The following SLC35F1 variants were observed in gnomAD, a reference collection of about 807,000 sequenced individuals.
SLC35F1 encodes the protein chromosome 6 open reading frame 169.
SLC35F1 carries 14 observed loss-of-function variants against 48.7 expected under a neutral mutation model. The observed-to-expected ratio is 0.29, with a 90% confidence interval of 0.19 to 0.45. The LOEUF is 0.45. Ranked by LOEUF, SLC35F1 falls within the 20% of genes least tolerant of loss-of-function variation. The pLI, the probability that SLC35F1 is intolerant of heterozygous loss-of-function variation, is 1.00. For synonymous variants in SLC35F1, 190 were observed against 202.2 expected, an observed-to-expected ratio of 0.94 and a Z score of 0.51; for missense variants, 404 against 500.0, an observed-to-expected ratio of 0.81 and a Z score of 1.83.
At chr6:118,030,143 C>A (rs775631060) in intron 1 of SLC35F1, among the ~76,000 whole-genome samples, 5 of 152,174 alleles carry the variant, frequency 3.3e-5, no homozygotes, top group Non-Finnish European at 7.3e-5. Flanking sequence ...CTGGGGGAAT[C>A]ACATTCCATG....
At chr6:118,215,877 T>C (rs993897921) in intron 2 of SLC35F1, among the ~76,000 whole-genome samples, 1 of 152,170 alleles carries the variant, frequency 6.6e-6, no homozygotes, top group African/African-American at 2.4e-5. Flanking sequence ...AAACAAGGGC[T>C]CAGTCCATCA....
intron 1 of SLC35F1, among the ~76,000 whole-genome samples, chr6:117,943,660 G>A (rs1020397096): frequency 1.3e-5 from 2 of 152,134 alleles, no homozygotes; most frequent in Non-Finnish European, 2.9e-5. Flanking sequence ...TTATGAAGGA[G>A]GTCTTTTCAT....
intron 1 of SLC35F1, among the ~76,000 whole-genome samples, chr6:118,102,600 C>G (rs143042877): frequency 5.1e-4 from 78 of 152,318 alleles, no homozygotes; most frequent in African/African-American, 1.7e-3. Context: ...GTGACAGTTT[C>G]ACGTTGTGGC....
At position 117,916,331 on chromosome 6, in the gene SLC35F1, C is replaced by T. The variant is rs147532797; in HGVS notation, c.173+8432C>T. On this transcript the variant is annotated intron_variant, in intron 1 of 7. Transcript: ENST00000360388. ...TTGTATTTCACAAAAGTATTGTCTT[C>T]TATGAATTGTTAAAAAACGGGTATT... is the stretch of plus-strand genomic sequence containing the variant. Among the ~76,000 whole-genome samples the T allele has an allele frequency of 2.9e-3, 444 of 152,154 alleles. 2 individuals carry two copies. Among genetic ancestry groups the T allele is most frequent in the African/African-American group, 0.01 (426 of 41,494 alleles).
chr6:117,933,509 G>A (rs1387556622), intron 1 of SLC35F1, among the ~76,000 whole-genome samples: 1 of 152,168 alleles, frequency 6.6e-6, no homozygotes, highest in African/African-American at 2.4e-5. Flanking sequence ...AAAGAATAGT[G>A]GAGAATATAA....
rs1296257630 is a variant in SLC35F1, at chr6:118,314,206, G to C, written c.1181G>C (p.Ser394Thr). The change falls in exon 8 of 8, where the codon AGC becomes ACC. Residue 394 changes from serine (S) to threonine (T), a missense_variant. Ser to Thr is a moderately conservative substitution (Grantham distance 58). Around this residue, in one of 2 missense-constraint regions of SLC35F1, gnomAD observed 306 missense variants for 419.1 expected, o/e 0.73. Coordinates refer to ENST00000360388, the MANE Select transcript of SLC35F1 (RefSeq NM_001029858.4). ...GTGGAACCCTCAGTCACCTACACCA[G>C]CCTGGGCCAGGAGACCGAAGAGGAG... Reference protein sequence around the residue: ...AQVEPSVTYTSLGQETEEEPH... With the variant: ...AQVEPSVTYTTLGQETEEEPH... The C allele has an allele frequency of 1.2e-6, 2 of 1,614,184 alleles. No homozygotes were observed. Among genetic ancestry groups the C allele is most frequent in the African/African-American group, 1.3e-5 (1 of 75,048 alleles).
rs187992795 is a variant in SLC35F1 at position 118,084,691 on chromosome 6, A to G, written c.174-69754A>G. 7.2e-5 allele frequency among the ~76,000 whole-genome samples: 11 copies of G among 152,144 alleles called. No individual in the cohort carries two copies. In the East Asian group the frequency reaches 2.1e-3, roughly 30 times the overall value. ...TAATTCTGGCTCAAGCAATGAGGGT[A>G]TGCTGAATGTAGAAGTCATTGAAAG... On this transcript the variant is annotated intron_variant, in intron 1 of 7. Coordinates refer to ENST00000360388, the MANE Select transcript of SLC35F1 (RefSeq NM_001029858.4).
intron 1 of SLC35F1, among the ~76,000 whole-genome samples, chr6:117,919,244 G>A (rs1042137832): frequency 1.3e-5 from 2 of 152,128 alleles, no homozygotes; most frequent in African/African-American, 4.8e-5. Context: ...CTGGTCCACT[G>A]GAGTGATGGT....
At chr6:118,237,667 G>A (rs1775382885) in intron 3 of SLC35F1, among the ~76,000 whole-genome samples, 1 of 152,174 alleles carries the variant, frequency 6.6e-6, no homozygotes, top group Non-Finnish European at 1.5e-5. Flanking sequence ...TGGGATTACA[G>A]GCATGAGCCA....
chr6:118,126,919 G>A (rs372285879), intron 1 of SLC35F1, among the ~76,000 whole-genome samples: 26 of 152,172 alleles, frequency 1.7e-4, no homozygotes, highest in East Asian at 7.7e-4. Flanking sequence ...CAATCATGTC[G>A]TCTGCAAACA....
chr6:118,112,082 C>A (rs954220137), intron 1 of SLC35F1, among the ~76,000 whole-genome samples: 3,311 of 131,676 alleles, frequency 0.025, 96 homozygotes, highest in Non-Finnish European at 0.04. Flanking sequence ...TTCTTTATTT[C>A]TTTCTTTTCT....
intron 1 of SLC35F1, among the ~76,000 whole-genome samples, chr6:118,086,152 C>T (rs1383197973): frequency 1.3e-5 from 2 of 151,950 alleles, no homozygotes; most frequent in East Asian, 3.9e-4. Flanking sequence ...AAGTTTTCTC[C>T]AATGTAAAAA....
rs1776441560 is a variant in SLC35F1 at position 118,316,680 on chromosome 6, A to AGAT, written c.*2430_*2432dup. The AGAT allele has an allele frequency of 6.6e-6, 1 of 152,408 alleles. No homozygotes were observed. The highest frequency in any genetic ancestry group is 6.5e-5 in the Admixed American group (1 of 15,282). The allele number at this position is 152,408 out of a possible 1,614,324, so 9.4% of individuals were successfully genotyped here. On this transcript the variant is annotated 3_prime_UTR_variant, in exon 8 of 8. Transcript: ENST00000360388. The stretch of plus-strand genomic sequence containing the variant: ...AATTTCCAAAAAGTTTGCAATCAAC[A>AGAT]GATGGCTAAAGGTTGCCATCTGAAT...
At chr6:118,055,270 G>A (rs774693192) in intron 1 of SLC35F1, among the ~76,000 whole-genome samples, 2 of 152,126 alleles carry the variant, frequency 1.3e-5, no homozygotes, top group Non-Finnish European at 2.9e-5. Context: ...ATGTTAATAA[G>A]CATCTTAATG....
At chr6:117,915,743 A>G (rs553765244) in intron 1 of SLC35F1, among the ~76,000 whole-genome samples, 1 of 152,318 alleles carries the variant, frequency 6.6e-6, no homozygotes, top group East Asian at 1.9e-4. Flanking sequence ...ATGTGCCCAA[A>G]TATGATACTC....
intron 1 of SLC35F1, among the ~76,000 whole-genome samples, chr6:117,980,301 G>A (rs914573014): frequency 3.2e-4 from 48 of 152,172 alleles, no homozygotes; most frequent in Admixed American, 3.1e-3. Context: ...TTAAAGAAAT[G>A]TAAGGGGTGG....
At chr6:117,986,894 C>T (rs1386585319) in intron 1 of SLC35F1, among the ~76,000 whole-genome samples, 2 of 152,276 alleles carry the variant, frequency 1.3e-5, no homozygotes, top group African/African-American at 2.4e-5. Flanking sequence ...AGGCTTAGTT[C>T]AGTTCCTTAT....
intron 2 of SLC35F1, among the ~76,000 whole-genome samples, chr6:118,209,005 T>C (rs929693413): frequency 2.0e-5 from 3 of 152,182 alleles, no homozygotes; most frequent in African/African-American, 7.2e-5. Context: ...ACTCTCTTCC[T>C]TCTCTCTTTT....
At position 117,921,465 on chromosome 6, in the gene SLC35F1, A is replaced by G. The variant is rs568591684; in HGVS notation, c.173+13566A>G. The stretch of plus-strand genomic sequence containing the variant: ...ATTTTACTCTTTTTTAGCTGTTCTA[A>G]CAGTTTGTGTGATTTTAGTGCCTTT... On this transcript the variant is annotated intron_variant, in intron 1 of 7. Transcript: ENST00000360388. Among the ~76,000 whole-genome samples the G allele has an allele frequency of 7.8e-4, 119 of 152,346 alleles. 1 individual carries two copies. Among genetic ancestry groups the G allele is most frequent in the Middle Eastern group, 6.8e-3 (2 of 294 alleles).
Sources: allele counts gnomAD v4.1 joint callset (sites outside exome capture counted in the v4.1 genomes callset), GRCh38; gene constraint gnomAD v4.1.1; regional missense constraint gnomAD v4.1.1; transcripts MANE v1.5; gene names NCBI Gene and HGNC (gene_info 2026-07-23, HGNC 2026-07-21).